Variants in TUB observed in about 807,000 individuals in gnomAD.
The protein encoded by TUB is TUB bipartite transcription factor.
TUB carries 33 observed loss-of-function variants against 59.7 expected under a neutral mutation model. The observed-to-expected ratio is 0.55, with a 90% CI of 0.42 to 0.74. The LOEUF (loss-of-function observed/expected upper bound fraction) is 0.74. Ranked by LOEUF, TUB falls within the 30% of genes least tolerant of loss-of-function variation. The pLI is 0.00. For synonymous variants in TUB, 293 were observed against 256.4 expected, an observed-to-expected ratio of 1.14 and a Z score of -1.36; for missense variants, 659 against 672.0, an observed-to-expected ratio of 0.98 and a Z score of 0.21.
At chr11:8,078,639 T>C (rs1412253646), upstream of TUB, among the ~76,000 whole-genome samples, 2 of 152,084 alleles carry the variant, frequency 1.3e-5, no homozygotes, top group African/African-American at 4.8e-5. Context: ...AGCACACACG[T>C]CATTCTCCTG....
chr11:8,074,936 G>A (rs1015102759), intron 2 of TUB, among the ~76,000 whole-genome samples: 5 of 151,724 alleles, frequency 3.3e-5, no homozygotes, highest in African/African-American at 7.3e-5. Context: ...TAGTAGAGAC[G>A]GGTTTGCCAT....
chr11:8,043,609 G>A (rs1322640870), intron 2 of TUB, among the ~76,000 whole-genome samples: 2 of 152,276 alleles, frequency 1.3e-5, no homozygotes, highest in East Asian at 1.9e-4. Flanking sequence ...TTTCAAAGAA[G>A]TTTATAGTTT....
At chr11:8,093,982 T>C (rs2133852002) in intron 3 of TUB, 64 bp from the exon 4 acceptor site, 1 of 1,603,016 alleles carries the variant, frequency 6.2e-7, no homozygotes, top group South Asian at 1.1e-5. Flanking sequence ...TGTGTTCAGG[T>C]GGGAGCTCTG....
At chr11:8,085,794 A>C (rs1943654226) in intron 1 of TUB, among the ~76,000 whole-genome samples, 1 of 152,164 alleles carries the variant, frequency 6.6e-6, no homozygotes, top group Non-Finnish European at 1.5e-5. Context: ...CTCTGAAGAG[A>C]GGGAGTTCGG....
chr11:8,043,500 G>C (rs1347902713), intron 2 of TUB, among the ~76,000 whole-genome samples: 1 of 152,206 alleles, frequency 6.6e-6, no homozygotes, highest in Admixed American at 6.5e-5. Context: ...CGAATCTGTA[G>C]ATCAGTTTGG....
chr11:8,101,628 T>G lies in TUB; in HGVS notation c.*9T>G. ...AGCTGGCGTGCGAGTAGAGGCCTCT[T>G]CGTGCCCTTTGGGGTTGCCCAGCCT... On this transcript the variant is annotated 3_prime_UTR_variant, in exon 12 of 12. Coordinates refer to ENST00000299506, the MANE Select transcript of TUB (RefSeq NM_177972.3). The G allele has an allele frequency of 1.2e-6, 2 of 1,614,070 alleles. No individual in the cohort carries two copies.
At position 8,090,133 on chromosome 11, in the gene TUB, C is replaced by T. The variant is rs1197544129; in HGVS notation, c.155C>T (p.Ala52Val). 1.2e-6 allele frequency: 2 copies of T among 1,613,556 alleles called. No individual in the cohort carries two copies. Among genetic ancestry groups the T allele is most frequent in the Non-Finnish European group, 1.7e-6 (2 of 1,179,842 alleles). The change falls in exon 3 of 12, where the codon GCA (alanine) becomes GTA (valine). Residue 52 changes from alanine (A) to valine (V), a missense_variant. Transcript: ENST00000299506. ...GAGCCCCTGATGGTGCAGGCCAATGCAGATGGGCGGCCCCGGAGCCGGCGG... is the reference window on the plus strand; with the variant it reads ...GAGCCCCTGATGGTGCAGGCCAATGTAGATGGGCGGCCCCGGAGCCGGCGG... ...RQEPLMVQAN[A>V]DGRPRSRRAR... is the part of the protein sequence containing the mutation.
At chr11:8,029,711 G>A (rs1031166720) in intron 1 of TUB, among the ~76,000 whole-genome samples, 14 of 152,208 alleles carry the variant, frequency 9.2e-5, no homozygotes, top group African/African-American at 3.1e-4. Context: ...CTCTAGTTCT[G>A]ACATTCTGTG....
At chr11:8,046,442 C>T (rs1024291443) in intron 2 of TUB, among the ~76,000 whole-genome samples, 3 of 152,162 alleles carry the variant, frequency 2.0e-5, no homozygotes, top group Non-Finnish European at 4.4e-5. Flanking sequence ...AAACTAACAT[C>T]TTCTCTCACC....
At chr11:8,019,436 G>A (rs1942385182) in intron 1 of TUB, 1 of 1,217,070 alleles carries the variant, frequency 8.2e-7, no homozygotes, top group African/African-American at 1.6e-5. Context: ...GCCTCCGGGG[G>A]CTAGGACTGG....
intron 1 of TUB, among the ~76,000 whole-genome samples, chr11:8,085,978 T>C (rs1943658133): frequency 6.6e-6 from 1 of 152,136 alleles, no homozygotes; most frequent in Non-Finnish European, 1.5e-5. Flanking sequence ...TGCCACCTCG[T>C]TGGTGCTGGA....
intron 1 of TUB, among the ~76,000 whole-genome samples, chr11:8,086,257 C>T (rs999771434): frequency 1.3e-5 from 2 of 152,156 alleles, no homozygotes; most frequent in Admixed American, 1.3e-4. Context: ...GTGTGGTTAT[C>T]GTTTAGGTCA....
In TUB at chr11:8,101,363, C is replaced by G. The variant is rs966308282; in HGVS notation, c.1388-123C>G. On this transcript the variant is annotated intron_variant, in intron 11 of 11. Coordinates refer to ENST00000299506, the MANE Select transcript of TUB (RefSeq NM_177972.3). ...CTTTGTTTTACTTCCCTTTGTGATT[C>G]CCCTGGCATCTCTGCTTCTCACTTG... 2.3e-6 allele frequency: 3 copies of G among 1,285,106 alleles called. No homozygotes were observed. The South Asian group carries it at 4.1e-5, about 18-fold the overall frequency. The allele number at this position is 1,285,106 out of a possible 1,614,324, so 79.6% of individuals were successfully genotyped here.
intron 2 of TUB, among the ~76,000 whole-genome samples, chr11:8,048,823 G>A (rs1385575688): frequency 1.3e-5 from 2 of 152,052 alleles, no homozygotes; most frequent in Non-Finnish European, 2.9e-5. Context: ...GTAATGTTAT[G>A]TAATTATATG....
chr11:8,044,062 G>T (rs1018093148), intron 2 of TUB, among the ~76,000 whole-genome samples: 1 of 151,800 alleles, frequency 6.6e-6, no homozygotes, highest in Non-Finnish European at 1.5e-5. Context: ...TCTTGGTATA[G>T]TTTTCTTCAC....
chr11:8,098,062 CCCA>C (rs1259294875), intron 8 of TUB, among the ~76,000 whole-genome samples: 1 of 152,060 alleles, frequency 6.6e-6, no homozygotes, highest in Non-Finnish European at 1.5e-5. Flanking sequence ...TGGGTGCAGG[CCCA>C]CCAAGAGTGA....
At chr11:8,038,895 C>G in exon 1 of TUB, 1 of 1,614,048 alleles carries the variant, frequency 6.2e-7, no homozygotes, top group Non-Finnish European at 8.5e-7. Flanking sequence ...GACACCTTTG[C>G]CTTCTTTCTG....
At chr11:8,097,681 A>G (rs1944060170) in intron 7 of TUB, 33 bp from the exon 8 acceptor site, 2 of 1,568,056 alleles carry the variant, frequency 1.3e-6, no homozygotes, top group East Asian at 4.5e-5. Context: ...CCAGAGGCTG[A>G]GTCTGGAATA....
At chr11:8,035,494 C>A (rs1942633322), upstream of TUB, 1 of 152,370 alleles carries the variant, frequency 6.6e-6, no homozygotes, top group African/African-American at 2.4e-5. Flanking sequence ...CTGCCTCAGG[C>A]AGGGTGGCTC....
Sources: gnomAD v4.1 joint callset for allele counts (sites outside exome capture counted in the v4.1 genomes callset) on GRCh38, gnomAD v4.1.1 for gene constraint, MANE v1.5 for transcripts, NCBI Gene and HGNC (gene_info 2026-07-23, HGNC 2026-07-21) for gene names.